Variants in NR2E1 observed in about 807,000 individuals in gnomAD.
NR2E1 encodes the protein nuclear receptor TLX.
A neutral mutation model predicts 43.6 loss-of-function variants in NR2E1; 5 were observed. That is an observed-to-expected ratio of 0.11 (90% CI 0.06 to 0.24). NR2E1 has a LOEUF of 0.24. Ranked by LOEUF, NR2E1 falls within the 10% of genes least tolerant of loss-of-function variation. The pLI is 1.00. For missense variants in NR2E1, 287 were observed against 496.7 expected (o/e 0.58, Z 4.01); for synonymous variants, 191 against 195.5 (o/e 0.98, Z 0.19).
rs1325900807 is a variant in NR2E1, at chr6:108,187,687, A to C, written c.*224A>C. On this transcript the variant is annotated 3_prime_UTR_variant, in exon 9 of 9. Transcript: ENST00000368986. The stretch of plus-strand genomic sequence containing the variant: ...AGAGGGGTGCAACAGGACCGCCTGC[A>C]CTGAAAACTCACTGCTGCCATGCCC... The C allele has an allele frequency of 1.9e-6, 1 of 524,548 alleles. No homozygotes were observed. Among genetic ancestry groups the C allele is most frequent in the Non-Finnish European group, 3.5e-6 (1 of 289,812 alleles). 32.5% of individuals were successfully genotyped at this position (524,548 alleles called of 1,614,324 possible).
At chr6:108,182,796 A>G (rs985460868) in intron 8 of NR2E1, among the ~76,000 whole-genome samples, 18 of 151,826 alleles carry the variant, frequency 1.2e-4, no homozygotes, top group African/African-American at 4.1e-4. Flanking sequence ...TGAACTTGTG[A>G]TCTGCCTGCC....
rs756298274 is a variant in NR2E1 at position 108,171,504 on chromosome 6, G to A, written c.72G>A (p.Ser24=). 1 of 1,614,014 alleles carries A rather than the reference G, an allele frequency of 6.2e-7. No individual in the cohort carries two copies. Among genetic ancestry groups the A allele is most frequent in the Non-Finnish European group, 8.5e-7 (1 of 1,180,034 alleles). Residue 24 remains serine (S), a synonymous_variant, in exon 2 of 9, where the codon TCG becomes TCA. Coordinates refer to ENST00000368986, the MANE Select transcript of NR2E1 (RefSeq NM_003269.5). ...GCAAAGTGTGTGGCGACCGCAGCTC[G>A]GGGAAGCACTACGGGGTCTACGCCT... ...IPCKVCGDRS[S]GKHYGVYACD...
Position 108,188,469 on chromosome 6 carries a change from T to C in NR2E1, c.*1006T>C, listed in dbSNP as rs1005111390. On this transcript the variant is annotated 3_prime_UTR_variant, in exon 9 of 9. Transcript: ENST00000368986. ...ACAGCCTGAGACTCTTCAATGCCTT[T>C]CCGAAAACTGGTTTCTAGTAAAGCC... 4 of 150,466 alleles carry C rather than the reference T, an allele frequency of 2.7e-5. No homozygotes were observed. Among genetic ancestry groups the C allele is most frequent in the Non-Finnish European group, 5.9e-5 (4 of 68,286 alleles). The allele number at this position is 150,466 out of a possible 1,614,324, so 9.3% of individuals were successfully genotyped here.
At chr6:108,175,695 G>T (rs1773885392) in intron 3 of NR2E1, among the ~76,000 whole-genome samples, 1 of 152,208 alleles carries the variant, frequency 6.6e-6, no homozygotes, top group Admixed American at 6.5e-5. Context: ...GGACACCGTG[G>T]GGCCTGGGAA....
At chr6:108,176,782 G>A (rs898436187) in intron 4 of NR2E1, 44 bp downstream of exon 4, 2 of 1,505,488 alleles carry the variant, frequency 1.3e-6, no homozygotes, top group Middle Eastern at 2.1e-4. Context: ...GCCAGCGAAT[G>A]GAGAGGGACG....
At chr6:108,172,545 T>TTA (rs1773830914) in intron 2 of NR2E1, among the ~76,000 whole-genome samples, 1 of 152,198 alleles carries the variant, frequency 6.6e-6, no homozygotes, top group Non-Finnish European at 1.5e-5. Flanking sequence ...TGCCCTCTCC[T>TTA]TATCAGCGAC....
At chr6:108,186,108 T>C (rs1774072117) in intron 8 of NR2E1, among the ~76,000 whole-genome samples, 1 of 152,136 alleles carries the variant, frequency 6.6e-6, no homozygotes, top group African/African-American at 2.4e-5. Flanking sequence ...ACATTAGAAA[T>C]ACATTAAACA....
chr6:108,168,983 G>T (rs546687221), intron 1 of NR2E1: 26 of 152,400 alleles, frequency 1.7e-4, no homozygotes, highest in African/African-American at 6.3e-4. Context: ...AAAAAGCCCC[G>T]AGGGGACCCC....
At chr6:108,178,332 C>T in intron 5 of NR2E1, 91 bp downstream of exon 5, 1 of 1,366,012 alleles carries the variant, frequency 7.3e-7, no homozygotes, top group Non-Finnish European at 1.0e-6. Context: ...CCTGGGTAAA[C>T]CACCCAAGGC....
chr6:108,182,544 ACACC>A (rs1206702518), intron 8 of NR2E1, among the ~76,000 whole-genome samples: 9 of 146,656 alleles, frequency 6.1e-5, no homozygotes, highest in East Asian at 4.0e-4. Context: ...GCATGCCACC[ACACC>A]CAGCTAATTT....
chr6:108,172,068 C>T (rs1773821045), intron 2 of NR2E1, among the ~76,000 whole-genome samples: 1 of 152,216 alleles, frequency 6.6e-6, no homozygotes, highest in Admixed American at 6.5e-5. Flanking sequence ...GTAAGCGGCA[C>T]ACAGACATCT....
At position 108,172,319 on chromosome 6, in the gene NR2E1, C is replaced by G. The variant is rs141981282; in HGVS notation, c.171+716C>G. On this transcript the variant is annotated intron_variant, in intron 2 of 8. Coordinates refer to ENST00000368986, the MANE Select transcript of NR2E1 (RefSeq NM_003269.5). ...TGCAACTGGGACCCTCCTCAAGCTT[C>G]CATATCCCTGTCCTCCTTCTCTGCT... Among the ~76,000 whole-genome samples, 371 of 152,334 alleles carry G rather than the reference C, an allele frequency of 2.4e-3. 4 individuals are homozygous for G. Among genetic ancestry groups the G allele is most frequent in the African/African-American group, 8.7e-3 (363 of 41,568 alleles).
At position 108,171,516 on chromosome 6, in the gene NR2E1, C is replaced by T; in HGVS notation, c.84C>T (p.Tyr28=). ...GCGACCGCAGCTCGGGGAAGCACTA[C>T]GGGGTCTACGCCTGCGACGGCTGCT... ...VCGDRSSGKH[Y]GVYACDGCSG... The change falls in exon 2 of 9, where the codon TAC becomes TAT. Residue 28 remains tyrosine (Y), a synonymous_variant. Transcript: ENST00000368986. The T allele has an allele frequency of 1.2e-6, 2 of 1,614,004 alleles. No homozygotes were observed. The highest frequency in any genetic ancestry group is 2.2e-5 in the South Asian group (2 of 91,082).
Position 108,166,465 on chromosome 6 carries a change from A to G in NR2E1, c.-301A>G. 2.6e-6 allele frequency: 1 copy of G among 383,750 alleles called. No homozygotes were observed. The highest frequency in any genetic ancestry group is 4.6e-6 in the Non-Finnish European group (1 of 218,094). The allele number at this position is 383,750 out of a possible 1,614,324, so 23.8% of individuals were successfully genotyped here. A position where few individuals can be genotyped will look rare whatever the true frequency, so the allele number is the denominator to read the frequency against. On this transcript the variant is annotated 5_prime_UTR_variant, in exon 1 of 9. Transcript: ENST00000368986. This position sits in a 1 kb window ranked among gnomAD's most constrained non-coding sequence, Gnocchi z 7.2. The stretch of plus-strand genomic sequence containing the variant: ...CTCTTGCTGTTCTTCCTTCTTCCTC[A>G]GTCTTCCTGTCCATCTCTCCATCTG...
intron 2 of NR2E1, among the ~76,000 whole-genome samples, chr6:108,173,035 G>A (rs552418728): frequency 1.3e-5 from 2 of 152,218 alleles, no homozygotes; most frequent in Admixed American, 6.5e-5. Context: ...GATCTCTGAT[G>A]TTGTGCTTGA....
chr6:108,178,771 G>T, intron 5 of NR2E1: 1 of 175,098 alleles, frequency 5.7e-6, no homozygotes, highest in South Asian at 1.3e-4. Context: ...ACCTCCTGTA[G>T]GCTAGGTTCT....
chr6:108,180,703 G>A lies in NR2E1; in HGVS notation c.740-104G>A, dbSNP rs1049403739. On this transcript the variant is annotated intron_variant, in intron 6 of 8. Transcript: ENST00000368986. The surrounding 1 kb of genome is among the most constrained non-coding windows in gnomAD (Gnocchi z 5.4). ...TTTACATGGAATCAGATATCTTAGAGTGACAATTGAATAGATATTGATATG... is the reference window on the plus strand; with the variant it reads ...TTTACATGGAATCAGATATCTTAGAATGACAATTGAATAGATATTGATATG... 7 of 1,078,206 alleles carry A rather than the reference G, an allele frequency of 6.5e-6. No individual in the cohort carries two copies. In the South Asian group the frequency reaches 9.2e-5, roughly 14 times the overall value. The allele number at this position is 1,078,206 out of a possible 1,614,324, so 66.8% of individuals were successfully genotyped here.
chr6:108,168,308 C>T lies in NR2E1; in HGVS notation c.25+1518C>T, dbSNP rs536341756. On this transcript the variant is annotated intron_variant, in intron 1 of 8. Transcript: ENST00000368986. ...CTCGGCAGGCCTCCTAGCTCGCTCG[C>T]CCCGGGACAGGCCCTCGCCTACACC... 16 of 767,852 alleles carry T rather than the reference C, an allele frequency of 2.1e-5. No homozygotes were observed. In the South Asian group the frequency reaches 2.9e-4, roughly 14 times the overall value. 47.6% of individuals were successfully genotyped at this position (767,852 alleles called of 1,614,324 possible).
intron 4 of NR2E1, among the ~76,000 whole-genome samples, chr6:108,176,948 G>A (rs1298735632): frequency 2.0e-5 from 3 of 152,168 alleles, no homozygotes. Context: ...GTCAACCTCC[G>A]AGTGGCTACA....
Sources: gnomAD v4.1 joint callset for allele counts (sites outside exome capture counted in the v4.1 genomes callset) on GRCh38, gnomAD v4.1.1 for gene constraint, Gnocchi (gnomAD v3.1) non-coding constraint, MANE v1.5 for transcripts, NCBI Gene and HGNC (gene_info 2026-07-23, HGNC 2026-07-21) for gene names.